Variants in ZNF804B observed in about 807,000 individuals in gnomAD.
The protein encoded by ZNF804B is zinc finger 804B.
ZNF804B carries 80 observed loss-of-function variants against 101.4 expected under a neutral mutation model. That is an observed-to-expected ratio of 0.79 (90% confidence interval 0.66 to 0.95). The LOEUF is 0.95. ZNF804B is among the 40% of genes least tolerant of loss of function. The pLI is 0.00. For synonymous variants in ZNF804B, 622 were observed against 558.8 expected, an observed-to-expected ratio of 1.11 and a Z score of -1.59; for missense variants, 1,673 against 1,561.9, an observed-to-expected ratio of 1.07 and a Z score of -1.20.
At chr7:89,195,978 C>T (rs965393109) in intron 1 of ZNF804B, among the ~76,000 whole-genome samples, 2 of 152,000 alleles carry the variant, frequency 1.3e-5, no homozygotes, top group African/African-American at 4.8e-5. Context: ...GCCATACTGC[C>T]CAAAGTAATT....
At chr7:89,129,244 A>C (rs1790512238) in intron 1 of ZNF804B, among the ~76,000 whole-genome samples, 1 of 152,026 alleles carries the variant, frequency 6.6e-6, no homozygotes, top group Non-Finnish European at 1.5e-5. Context: ...TTATATATTC[A>C]ATACATTAAA....
intron 1 of ZNF804B, among the ~76,000 whole-genome samples, chr7:89,203,389 G>A (rs1313221406): frequency 2.6e-5 from 4 of 152,142 alleles, no homozygotes; most frequent in African/African-American, 9.7e-5. Flanking sequence ...AGTTGTATGC[G>A]AAGACTATTT....
intron 1 of ZNF804B, among the ~76,000 whole-genome samples, chr7:88,926,830 T>G (rs1792807161): frequency 6.6e-6 from 1 of 151,972 alleles, no homozygotes; most frequent in South Asian, 2.1e-4. Flanking sequence ...ACAGCCAATG[T>G]AAGATAACAG....
intron 1 of ZNF804B, among the ~76,000 whole-genome samples, chr7:88,874,593 T>A (rs904047414): frequency 1.3e-5 from 2 of 152,020 alleles, no homozygotes; most frequent in Non-Finnish European, 2.9e-5. Flanking sequence ...TTCAGTATGA[T>A]ATTGGCTGTG....
chr7:88,773,811 A>G (rs569494462), intron 1 of ZNF804B, among the ~76,000 whole-genome samples: 1 of 152,054 alleles, frequency 6.6e-6, no homozygotes, highest in South Asian at 2.1e-4. Flanking sequence ...AAGGGGGGTG[A>G]GGGAGATGCC....
intron 1 of ZNF804B, among the ~76,000 whole-genome samples, chr7:88,803,296 C>G (rs1790636855): frequency 6.6e-6 from 1 of 151,998 alleles, no homozygotes; most frequent in East Asian, 1.9e-4. Flanking sequence ...GGATCATGAA[C>G]CAAATTGAAC....
intron 1 of ZNF804B, among the ~76,000 whole-genome samples, chr7:89,044,324 A>G (rs779893099): frequency 2.6e-5 from 4 of 152,202 alleles, no homozygotes; most frequent in Non-Finnish European, 5.9e-5. Flanking sequence ...TGAGTCAATT[A>G]ATCATCTTTC....
chr7:88,906,967 AC>A (rs1430889354), intron 1 of ZNF804B, among the ~76,000 whole-genome samples: 1 of 151,862 alleles, frequency 6.6e-6, no homozygotes, highest in East Asian at 1.9e-4. Flanking sequence ...GTTGAATTGT[AC>A]CCTTTGTCAT....
chr7:88,940,332 T>A (rs1201883271), intron 1 of ZNF804B, among the ~76,000 whole-genome samples: 1 of 151,736 alleles, frequency 6.6e-6, no homozygotes, highest in African/African-American at 2.4e-5. Flanking sequence ...TGGAAAAAAA[T>A]TATATGGTCT....
chr7:89,036,697 G>T (rs560828504), intron 1 of ZNF804B, among the ~76,000 whole-genome samples: 10 of 152,058 alleles, frequency 6.6e-5, no homozygotes, highest in Non-Finnish European at 1.3e-4. Flanking sequence ...GTGGACACCT[G>T]ATTTCCTGGT....
At chr7:88,978,981 A>G (rs544883374) in intron 1 of ZNF804B, among the ~76,000 whole-genome samples, 95 of 152,024 alleles carry the variant, frequency 6.2e-4, no homozygotes, top group African/African-American at 2.2e-3. Flanking sequence ...TGCAAGTAAC[A>G]TCTTATATTC....
intron 1 of ZNF804B, among the ~76,000 whole-genome samples, chr7:89,150,651 T>C (rs1490589068): frequency 1.3e-5 from 2 of 152,148 alleles, no homozygotes; most frequent in Non-Finnish European, 2.9e-5. Context: ...CATTTAAAAA[T>C]TATATTTCCA....
In ZNF804B at chr7:88,851,725, A is replaced by C. The variant is rs1583975684; in HGVS notation, c.108+91641A>C. Among the ~76,000 whole-genome samples, 4 of 152,260 alleles carry C rather than the reference A, an allele frequency of 2.6e-5. No homozygotes were observed. The East Asian group carries it at 7.7e-4, about 29-fold the overall frequency. Reference sequence around the variant, plus strand: ...ATCAGTAACTATATGAGTAAATATAAAGAGTTTTTTTTCTTATTATTTAAT... The same window carrying C: ...ATCAGTAACTATATGAGTAAATATACAGAGTTTTTTTTCTTATTATTTAAT... On this transcript the variant is annotated intron_variant, in intron 1 of 3. Transcript: ENST00000333190.
intron 1 of ZNF804B, among the ~76,000 whole-genome samples, chr7:88,964,326 A>G (rs1479059018): frequency 6.6e-6 from 1 of 151,558 alleles, no homozygotes; most frequent in Non-Finnish European, 1.5e-5. Flanking sequence ...TGGTATATAC[A>G]TACAATGAAA....
Position 89,171,288 on chromosome 7 carries a change from G to GCTGCTTCTTCTTCTTCTT in ZNF804B, c.109-46865_109-46864insGCTTCTTCTTCTTCTTCT, listed in dbSNP as rs1215246589. ...AGTAGGCACAAATAATGCTGCTGCT[G>GCTGCTTCTTCTTCTTCTT]CTTCTTCTTCTTCTTCTTCTTCTTC... On this transcript the variant is annotated intron_variant, in intron 1 of 3. Coordinates refer to ENST00000333190, the MANE Select transcript of ZNF804B (RefSeq NM_181646.5). Among the ~76,000 whole-genome samples the GCTGCTTCTTCTTCTTCTT allele has an allele frequency of 5.8e-4, 48 of 82,542 alleles. 1 individual carries two copies. Among genetic ancestry groups the GCTGCTTCTTCTTCTTCTT allele is most frequent in the Admixed American group, 1.5e-3 (13 of 8,562 alleles). The allele number at this position is 82,542 out of a possible 152,430, so 54.2% of individuals were successfully genotyped here.
intron 1 of ZNF804B, among the ~76,000 whole-genome samples, chr7:88,867,508 T>A (rs532424052): frequency 1.8e-4 from 28 of 152,324 alleles, no homozygotes; most frequent in African/African-American, 6.5e-4. Context: ...GCTTCACTAA[T>A]TGAATGGTGC....
chr7:88,958,722 A>G (rs1793349298), intron 1 of ZNF804B, among the ~76,000 whole-genome samples: 1 of 151,398 alleles, frequency 6.6e-6, no homozygotes, highest in Non-Finnish European at 1.5e-5. Flanking sequence ...TCGAAGAGTA[A>G]CTTGTTGCAT....
intron 2 of ZNF804B, among the ~76,000 whole-genome samples, chr7:89,220,245 A>C (rs1464832032): frequency 4.0e-5 from 6 of 150,712 alleles, no homozygotes; most frequent in East Asian, 3.9e-4. Context: ...TAAACGTAAG[A>C]TATATGTATA....
At chr7:89,131,467 C>T (rs1336140248) in intron 1 of ZNF804B, among the ~76,000 whole-genome samples, 1 of 151,974 alleles carries the variant, frequency 6.6e-6, no homozygotes. Flanking sequence ...TTATGCCTAA[C>T]ATGGACCGAT....
Sources: gnomAD v4.1 joint callset for allele counts (sites outside exome capture counted in the v4.1 genomes callset) on GRCh38, gnomAD v4.1.1 for gene constraint, MANE v1.5 for transcripts, NCBI Gene and HGNC (gene_info 2026-07-23, HGNC 2026-07-21) for gene names.